The following PTGS2 variants were observed in gnomAD, a reference collection of about 807,000 sequenced individuals.
PTGS2 encodes prostaglandin-endoperoxide synthase 2.
A neutral mutation model predicts 63.8 loss-of-function variants in PTGS2; 14 were observed. The ratio of observed to expected loss-of-function variants is 0.22; its 90% confidence interval spans 0.14 to 0.34. The LOEUF (loss-of-function observed/expected upper bound fraction) is 0.34. PTGS2 is among the 10% of genes least tolerant of loss of function. The pLI is 1.00. For missense variants in PTGS2, 533 were observed against 738.5 expected (o/e 0.72, Z 3.23); for synonymous variants, 271 against 259.5 (o/e 1.04, Z -0.43).
At chr1:186,680,152 T>A (rs1558251996) in intron 1 of PTGS2, 87 bp downstream of exon 1, 1 of 1,537,550 alleles carries the variant, frequency 6.5e-7, no homozygotes, top group East Asian at 2.5e-5. Flanking sequence ...GAAGTCGGAG[T>A]ACTGGGATAG....
At chr1:186,678,166 A>G in intron 4 of PTGS2, 95 bp downstream of exon 4, 2 of 1,289,062 alleles carry the variant, frequency 1.6e-6, no homozygotes, top group Non-Finnish European at 2.1e-6. Flanking sequence ...GCTTTTGTTA[A>G]TAAATAAATG....
intron 1 of PTGS2, 46 bp downstream of exon 1, chr1:186,680,193 G>C (rs1319378328): frequency 3.9e-6 from 6 of 1,549,642 alleles, no homozygotes; most frequent in African/African-American, 2.7e-5. Flanking sequence ...AACTCTGCCC[G>C]GGTGCGTGGA....
At chr1:186,677,579 C>A in intron 5 of PTGS2, 70 bp downstream of exon 5, 2 of 1,401,346 alleles carry the variant, frequency 1.4e-6, no homozygotes, top group Non-Finnish European at 1.9e-6. Flanking sequence ...CTGTATATCT[C>A]CTTTAATGTT....
At position 186,676,499 on chromosome 1, in the gene PTGS2, T is replaced by C; in HGVS notation, c.938A>G (p.Gln313Arg). ...TATTAGCCTGCTTGTCTGGAACAACTGCTCATCACCCCATTCAGGATGCTC... is the reference window on the plus strand; with the variant it reads ...TATTAGCCTGCTTGTCTGGAACAACCGCTCATCACCCCATTCAGGATGCTC... ...KQEHPEWGDE[Q>R]LFQTSRLILI... is the part of the protein sequence containing the mutation. Residue 313 changes from glutamine to arginine, a missense_variant, in exon 7 of 10, where the codon CAG (glutamine) becomes CGG (arginine). This residue lies in a region of PTGS2 where 67 missense variants were observed against 152.6 expected (regional missense o/e 0.44). Transcript: ENST00000367468. The C allele has an allele frequency of 6.2e-7, 1 of 1,614,198 alleles. No individual in the cohort carries two copies. Among genetic ancestry groups the C allele is most frequent in the Non-Finnish European group, 8.5e-7 (1 of 1,180,034 alleles).
intron 1 of PTGS2, 89 bp downstream of exon 1, chr1:186,680,150 A>C: frequency 6.5e-7 from 1 of 1,528,900 alleles, no homozygotes; most frequent in Non-Finnish European, 8.8e-7. Context: ...GAGAAGTCGG[A>C]GTACTGGGAT....
At chr1:186,678,921 A>G (rs1020765326) in intron 3 of PTGS2, 137 bp downstream of exon 3, 2 of 1,123,458 alleles carry the variant, frequency 1.8e-6, no homozygotes, top group Non-Finnish European at 2.5e-6. Context: ...GGCGATTAAG[A>G]TGGAAGGCAA....
Position 186,672,749 on chromosome 1 carries a change from C to A in PTGS2, c.*1604G>T, listed in dbSNP as rs1665711310. 1 of 152,508 alleles carries A rather than the reference C, an allele frequency of 6.6e-6. No homozygotes were observed. Among genetic ancestry groups the A allele is most frequent in the Admixed American group, 6.5e-5 (1 of 15,272 alleles). The allele number at this position is 152,508 out of a possible 1,614,324, so 9.4% of individuals were successfully genotyped here. On this transcript the variant is annotated 3_prime_UTR_variant, in exon 10 of 10. Coordinates refer to ENST00000367468, the MANE Select transcript of PTGS2 (RefSeq NM_000963.4). ...GGCATTAATTAGAATGGGAACGTAA[C>A]TTTTTCCAGTCACAAACCCCGTACA...
intron 9 of PTGS2, 25 bp downstream of exon 9, chr1:186,675,224 A>G: frequency 2.5e-6 from 4 of 1,597,676 alleles, no homozygotes; most frequent in Non-Finnish European, 3.4e-6. Flanking sequence ...ACAAAAAACG[A>G]AGAAGTTTAG....
chr1:186,675,967 G>C lies in PTGS2; in HGVS notation c.1188C>G (p.Asn396Lys). 6.2e-7 allele frequency: 1 copy of C among 1,613,950 alleles called. No homozygotes were observed. Among genetic ancestry groups the C allele is most frequent in the African/African-American group, 1.3e-5 (1 of 75,018 alleles). Residue 396 changes from asparagine (N) to lysine (K), a missense_variant, in exon 8 of 10, where the codon AAC (asparagine) becomes AAG (lysine). Coordinates refer to ENST00000367468, the MANE Select transcript of PTGS2 (RefSeq NM_000963.4). ...TTCCATGTTCCAGCAATATAGAGTT[G>C]TTGTAGATAAACTGTTGATAGTTGT... ...QKYNYQQFIY[N>K]NSILLEHGIT... is the part of the protein sequence containing the mutation.
rs747495204 is a variant in PTGS2, at chr1:186,675,979, C to T, written c.1176G>A (p.Gln392=). The part of the protein sequence containing the change: ...QIHDQKYNYQ[Q]FIYNNSILLE... ...GCAATATAGAGTTGTTGTAGATAAA[C>T]TGTTGATAGTTGTATTTCTGGTCAT... The change falls in exon 8 of 10, where the codon CAG becomes CAA. Residue 392 remains glutamine, a synonymous_variant. Coordinates refer to ENST00000367468, the MANE Select transcript of PTGS2 (RefSeq NM_000963.4). 1.2e-6 allele frequency: 2 copies of T among 1,613,842 alleles called. No individual in the cohort carries two copies. Among genetic ancestry groups the T allele is most frequent in the Non-Finnish European group, 1.7e-6 (2 of 1,179,840 alleles).
chr1:186,679,469 C>T, intron 1 of PTGS2, 31 bp from the exon 2 acceptor site: 1 of 1,441,594 alleles, frequency 6.9e-7, no homozygotes, highest in Non-Finnish European at 9.8e-7. Context: ...ATAAATCATT[C>T]TCTAGTGTCT....
In PTGS2 at chr1:186,680,405, T is replaced by G. The variant is rs1368104231; in HGVS notation, c.-115A>C. On this transcript the variant is annotated 5_prime_UTR_variant, in exon 1 of 10. Coordinates refer to ENST00000367468, the MANE Select transcript of PTGS2 (RefSeq NM_000963.4). Reference sequence around the variant, plus strand: ...TCCTGGACGTGCTCCTGACGCTCACTGCAAGTCGTATGACAATTGGTCGCT... The same window carrying G: ...TCCTGGACGTGCTCCTGACGCTCACGGCAAGTCGTATGACAATTGGTCGCT... The G allele has an allele frequency of 4.3e-6, 3 of 699,570 alleles. No homozygotes were observed. Among genetic ancestry groups the G allele is most frequent in the South Asian group, 1.9e-5 (1 of 52,574 alleles). 43.3% of individuals were successfully genotyped at this position (699,570 alleles called of 1,614,324 possible). A position where few individuals can be genotyped will look rare whatever the true frequency, so the allele number is the denominator to read the frequency against.
Position 186,672,048 on chromosome 1 carries a change from A to T in PTGS2, c.*2305T>A, listed in dbSNP as rs1366857530. 6.6e-6 allele frequency: 1 copy of T among 152,006 alleles called. No individual in the cohort carries two copies. The highest frequency in any genetic ancestry group is 1.5e-5 in the Non-Finnish European group (1 of 67,952). 9.4% of individuals were successfully genotyped at this position (152,006 alleles called of 1,614,324 possible). A position where few individuals can be genotyped will look rare whatever the true frequency, so the allele number is the denominator to read the frequency against. ...AAGCATATTGACTATTTCTTTCTTA[A>T]CCTTAAACATTCTAAACGTAAAATT... is the stretch of plus-strand genomic sequence containing the variant. On this transcript the variant is annotated 3_prime_UTR_variant, in exon 10 of 10. Transcript: ENST00000367468.
At position 186,679,022 on chromosome 1, in the gene PTGS2, G is replaced by A. The variant is rs199526797; in HGVS notation, c.313+36C>T. ...TATTATAAAGCATATTTTTCTTTGA[G>A]AAGGCTAAAAACCTTAGAAAGACAC... is the stretch of plus-strand genomic sequence containing the variant. On this transcript the variant is annotated intron_variant, in intron 3 of 9. Coordinates refer to ENST00000367468, the MANE Select transcript of PTGS2 (RefSeq NM_000963.4). 4.5e-5 allele frequency: 71 copies of A among 1,587,464 alleles called. No homozygotes were observed. The East Asian group carries it at 1.5e-3, about 33-fold the overall frequency.
In PTGS2 at chr1:186,674,506, G is replaced by C. The variant is rs765815931; in HGVS notation, c.1662C>G (p.Ile554Met). The C allele has an allele frequency of 1.2e-6, 2 of 1,614,080 alleles. No homozygotes were observed. Among genetic ancestry groups the C allele is most frequent in the Non-Finnish European group, 1.7e-6 (2 of 1,180,050 alleles). ...IINTASIQSL[I>M]CNNVKGCPFT... ...AGGGACAGCCCTTCACGTTATTGCA[G>C]ATGAGAGACTGAATTGAGGCAGTGT... Residue 554 changes from isoleucine to methionine, a missense_variant, in exon 10 of 10, where the codon ATC becomes ATG. Ile to Met is a conservative substitution (Grantham distance 10). Around this residue, in one of 5 missense-constraint regions of PTGS2, gnomAD observed 219 missense variants for 267.4 expected, o/e 0.82. Coordinates refer to ENST00000367468, the MANE Select transcript of PTGS2 (RefSeq NM_000963.4).
At position 186,676,814 on chromosome 1, in the gene PTGS2, A is replaced by G. The variant is rs201232393; in HGVS notation, c.723+19T>C. On this transcript the variant is annotated intron_variant, in intron 6 of 9. Transcript: ENST00000367468. ...TATAAGCGGTAATAACTAAGTCTTA[A>G]TAGTCAAAGGAAGCATACCTGATAT... is the stretch of plus-strand genomic sequence containing the variant. 3 of 1,608,274 alleles carry G rather than the reference A, an allele frequency of 1.9e-6. No individual in the cohort carries two copies. The highest frequency in any genetic ancestry group is 2.5e-6 in the Non-Finnish European group (3 of 1,177,514).
intron 4 of PTGS2, 62 bp downstream of exon 4, chr1:186,678,199 T>G: frequency 6.8e-7 from 1 of 1,467,676 alleles, no homozygotes; most frequent in Non-Finnish European, 9.1e-7. Flanking sequence ...CAATTTTTTT[T>G]TTTGGCAGCA....
In PTGS2 at chr1:186,674,546, C is replaced by A; in HGVS notation, c.1622G>T (p.Gly541Val). ...WKPSTFGGEV[G>V]FQIINTASIQ... ...TGAGGCAGTGTTGATGATTTGAAAA[C>A]CCACTTCTCCACCAAAAGTGCTTGG... Residue 541 changes from glycine (G) to valine (V), a missense_variant, in exon 10 of 10, where the codon GGT (glycine) becomes GTT (valine). Gly to Val is a moderately radical substitution (Grantham distance 109, BLOSUM62 -3). Coordinates refer to ENST00000367468, the MANE Select transcript of PTGS2 (RefSeq NM_000963.4). 1 of 1,614,186 alleles carries A rather than the reference C, an allele frequency of 6.2e-7. No individual in the cohort carries two copies. The highest frequency in any genetic ancestry group is 8.5e-7 in the Non-Finnish European group (1 of 1,180,040).
intron 1 of PTGS2, among the ~76,000 whole-genome samples, 184 bp downstream of exon 1, chr1:186,680,055 G>T (rs1459547178): frequency 6.6e-6 from 1 of 152,214 alleles, no homozygotes; most frequent in Non-Finnish European, 1.5e-5. Context: ...ATCAGTGCTT[G>T]TGGGAAAGCT....
Sources: gnomAD v4.1 joint callset for allele counts (sites outside exome capture counted in the v4.1 genomes callset) on GRCh38, gnomAD v4.1.1 for gene constraint, gnomAD v4.1.1 regional missense constraint, MANE v1.5 for transcripts, NCBI Gene and HGNC (gene_info 2026-07-23, HGNC 2026-07-21) for gene names.